Variants in ANKMY2 observed in about 807,000 individuals in gnomAD.
ANKMY2 encodes the protein ankyrin repeat and MYND domain-containing protein 2.
In ANKMY2, 36 loss-of-function variants were observed where a neutral mutation model predicts 50.4. The observed-to-expected ratio is 0.71, with a 90% CI of 0.55 to 0.94. The LOEUF (loss-of-function observed/expected upper bound fraction) is 0.94, where lower values mean the gene tolerates loss of function less well. ANKMY2 is among the 40% of genes least tolerant of loss of function. ANKMY2 has a pLI of 0.00. For missense variants in ANKMY2, 565 were observed against 524.0 expected (o/e 1.08, Z -0.76); for synonymous variants, 187 against 178.8 (o/e 1.05, Z -0.36).
At chr7:16,615,532 C>T (rs1370539808) in intron 5 of ANKMY2, among the ~76,000 whole-genome samples, 1 of 152,194 alleles carries the variant, frequency 6.6e-6, no homozygotes, top group African/African-American at 2.4e-5. Flanking sequence ...CGTGGCTTTT[C>T]CTGATGGTTT....
In ANKMY2 at chr7:16,610,625, A is replaced by AAT; in HGVS notation, c.668_669dup (p.Tyr224IlefsTer3). 6.2e-7 allele frequency: 1 copy of AAT among 1,614,004 alleles called. No individual in the cohort carries two copies. On this transcript the variant is annotated frameshift_variant, in exon 6 of 10. Transcript: ENST00000306999. LOFTEE classifies it high-confidence loss of function. ...CATTTCTGAAAGATACAGCTTATGT[A>AAT]ATGCATCTTCATAGCCAATACTTCA...
At chr7:16,631,146 T>C (rs1051565045) in intron 2 of ANKMY2, among the ~76,000 whole-genome samples, 6 of 151,016 alleles carry the variant, frequency 4.0e-5, no homozygotes, top group African/African-American at 1.4e-4. Flanking sequence ...TTTTATAATA[T>C]ACATTTTAGC....
chr7:16,637,551 T>C (rs986129242), intron 1 of ANKMY2, among the ~76,000 whole-genome samples: 1 of 152,166 alleles, frequency 6.6e-6, no homozygotes, highest in Non-Finnish European at 1.5e-5. Context: ...CTATTTTTTT[T>C]ATAAATAATG....
intron 1 of ANKMY2, among the ~76,000 whole-genome samples, chr7:16,640,758 C>G (rs552464824): frequency 1.3e-5 from 2 of 152,166 alleles, no homozygotes; most frequent in South Asian, 4.2e-4. Context: ...CTCCTGGGTC[C>G]AAGTGATCCT....
chr7:16,619,258 A>T (rs531861629), intron 4 of ANKMY2, among the ~76,000 whole-genome samples: 189 of 150,298 alleles, frequency 1.3e-3, no homozygotes, highest in Non-Finnish European at 2.2e-3. Context: ...GGCTCAAGGG[A>T]TTCTCCTGCC....
At chr7:16,605,382 T>A (rs193062314) in intron 7 of ANKMY2, among the ~76,000 whole-genome samples, 1 of 152,320 alleles carries the variant, frequency 6.6e-6, no homozygotes, top group African/African-American at 2.4e-5. Context: ...ATGTTCCAAA[T>A]TTGTTAAGAA....
At chr7:16,632,408 C>T (rs1262393544) in intron 2 of ANKMY2, among the ~76,000 whole-genome samples, 7 of 152,104 alleles carry the variant, frequency 4.6e-5, no homozygotes, top group Non-Finnish European at 8.8e-5. Flanking sequence ...CCCACTTCAC[C>T]CCCACTCCCT....
intron 5 of ANKMY2, among the ~76,000 whole-genome samples, chr7:16,613,158 C>T (rs1781284111): frequency 6.6e-6 from 1 of 152,152 alleles, no homozygotes; most frequent in African/African-American, 2.4e-5. Flanking sequence ...ATATTCTGGG[C>T]ATCAGCACAA....
chr7:16,645,059 G>T (rs1225796995), intron 1 of ANKMY2, among the ~76,000 whole-genome samples: 1 of 152,098 alleles, frequency 6.6e-6, no homozygotes, highest in Non-Finnish European at 1.5e-5. Flanking sequence ...ACTCCCAAGC[G>T]GGGGCGGGGA....
At chr7:16,603,462 G>A (rs1781103950) in intron 8 of ANKMY2, 1 of 347,346 alleles carries the variant, frequency 2.9e-6, no homozygotes, top group South Asian at 2.4e-5. Flanking sequence ...ATATGTTCAA[G>A]AACAGCAAGA....
At chr7:16,604,058 G>A (rs1781115558) in intron 8 of ANKMY2, among the ~76,000 whole-genome samples, 1 of 152,226 alleles carries the variant, frequency 6.6e-6, no homozygotes, top group South Asian at 2.1e-4. Flanking sequence ...TGAAGCTGAA[G>A]AAGTAGGTCA....
intron 8 of ANKMY2, 63 bp downstream of exon 8, chr7:16,604,658 C>A: frequency 6.4e-7 from 1 of 1,556,494 alleles, no homozygotes; most frequent in South Asian, 1.2e-5. Context: ...TATTAAAACT[C>A]AATCATCAGC....
chr7:16,602,432 A>T lies in ANKMY2; in HGVS notation c.1089T>A (p.Ile363=), dbSNP rs754998343. The T allele has an allele frequency of 6.2e-7, 1 of 1,613,734 alleles. No individual in the cohort carries two copies. Among genetic ancestry groups the T allele is most frequent in the South Asian group, 1.1e-5 (1 of 91,046 alleles). The change falls in exon 9 of 10, where the codon ATT becomes ATA. Residue 363 remains isoleucine, a synonymous_variant. Coordinates refer to ENST00000306999, the MANE Select transcript of ANKMY2 (RefSeq NM_020319.3). ...CAGCCTCCAACTGTTGCTTTTCGTAAATGTCCTTCAGATTCTTACAGATTT... is the reference window on the plus strand; with the variant it reads ...CAGCCTCCAACTGTTGCTTTTCGTATATGTCCTTCAGATTCTTACAGATTT... ...HKKICKNLKD[I]YEKQQLEAAK...
intron 9 of ANKMY2, among the ~76,000 whole-genome samples, chr7:16,601,891 GA>G (rs1212467394): frequency 2.6e-5 from 4 of 152,164 alleles, no homozygotes; most frequent in Non-Finnish European, 4.4e-5. Flanking sequence ...GACACTTGTA[GA>G]AATTTGATCT....
intron 7 of ANKMY2, among the ~76,000 whole-genome samples, chr7:16,607,833 G>A (rs1006315973): frequency 6.6e-6 from 1 of 151,722 alleles, no homozygotes; most frequent in African/African-American, 2.4e-5. Flanking sequence ...AGCTTCCTCA[G>A]TAACAGAAGT....
chr7:16,629,965 GT>G (rs1781558782), intron 2 of ANKMY2, among the ~76,000 whole-genome samples: 1 of 152,018 alleles, frequency 6.6e-6, no homozygotes, highest in African/African-American at 2.4e-5. Context: ...TTATTCTAGT[GT>G]TTTTATAGTA....
At chr7:16,633,585 T>G (rs1322257163) in intron 2 of ANKMY2, among the ~76,000 whole-genome samples, 1 of 152,196 alleles carries the variant, frequency 6.6e-6, no homozygotes, top group Non-Finnish European at 1.5e-5. Flanking sequence ...TGCTTCATTA[T>G]TTGGATTATA....
chr7:16,619,155 C>CT (rs201354944), intron 4 of ANKMY2, among the ~76,000 whole-genome samples: 2,056 of 143,014 alleles, frequency 0.014, 44 homozygotes, highest in East Asian at 0.044. Context: ...TTTATTATAC[C>CT]TTTTTTTTTT....
In ANKMY2 at chr7:16,645,700, G is replaced by A. The variant is rs1160967635; in HGVS notation, c.-127C>T. 1 of 1,040,168 alleles carries A rather than the reference G, an allele frequency of 9.6e-7. No individual in the cohort carries two copies. 64.4% of individuals were successfully genotyped at this position (1,040,168 alleles called of 1,614,324 possible). A position where few individuals can be genotyped will look rare whatever the true frequency, so the allele number is the denominator to read the frequency against. ...CCAAGACACTGAGTAGCCAACCGCG[G>A]AAACGCTTCGCTTCTCTCCTCCCTC... On this transcript the variant is annotated 5_prime_UTR_variant, in exon 1 of 10. Transcript: ENST00000306999.
Sources: allele counts gnomAD v4.1 joint callset (sites outside exome capture counted in the v4.1 genomes callset), GRCh38; gene constraint gnomAD v4.1.1; transcripts MANE v1.5; gene names NCBI Gene and HGNC (gene_info 2026-07-23, HGNC 2026-07-21).